The following TENT4B variants were observed in gnomAD, a reference collection of about 807,000 sequenced individuals.
TENT4B encodes terminal nucleotidyltransferase 4B.
A neutral mutation model predicts 75.0 loss-of-function variants in TENT4B; 10 were observed. That is an observed-to-expected ratio of 0.13 (90% confidence interval 0.08 to 0.23). TENT4B has a LOEUF of 0.23. Among genes scored for constraint, TENT4B ranks in the 10% least tolerant of loss-of-function variants. The pLI is 1.00. For missense variants in TENT4B, 579 were observed against 893.8 expected, an observed-to-expected ratio of 0.65 and a Z score of 4.49; for synonymous variants, 350 against 357.7, an observed-to-expected ratio of 0.98 and a Z score of 0.24.
chr16:50,217,451 C>G, intron 4 of TENT4B, 105 bp from the exon 5 acceptor site: 1 of 608,418 alleles, frequency 1.6e-6, no homozygotes. Context: ...TGTTCTTATG[C>G]TCTCATGAGA....
At chr16:50,226,492 C>A (rs757777318) in intron 10 of TENT4B, among the ~76,000 whole-genome samples, 1 of 152,112 alleles carries the variant, frequency 6.6e-6, no homozygotes, top group Non-Finnish European at 1.5e-5. Flanking sequence ...AGTGCAGTGG[C>A]GCGATCTTGG....
chr16:50,231,428 T>A lies in TENT4B; in HGVS notation c.*2100T>A. ...CAGACACTTAATACTTGCAGAGATC[T>A]ATGTTACATTTACCACACTGAAGTT... On this transcript the variant is annotated 3_prime_UTR_variant, in exon 12 of 12. Transcript: ENST00000561678. 2.0e-6 allele frequency: 2 copies of A among 985,034 alleles called. No individual in the cohort carries two copies. The highest frequency in any genetic ancestry group is 2.4e-6 in the Non-Finnish European group (2 of 829,206). 61.0% of individuals were successfully genotyped at this position (985,034 alleles called of 1,614,324 possible).
chr16:50,198,433 A>G (rs911897657), intron 1 of TENT4B, among the ~76,000 whole-genome samples: 4 of 146,844 alleles, frequency 2.7e-5, no homozygotes, highest in Non-Finnish European at 4.5e-5. Flanking sequence ...AAAAAAAAAA[A>G]GAAGAAAAGG....
At chr16:50,166,758 C>T (rs1033469341) in intron 1 of TENT4B, among the ~76,000 whole-genome samples, 28 of 149,454 alleles carry the variant, frequency 1.9e-4, no homozygotes, top group Admixed American at 8.8e-4. Flanking sequence ...GGACCACAGG[C>T]GCATGCCACC....
chr16:50,208,488 AC>A (rs2031105452), intron 1 of TENT4B, among the ~76,000 whole-genome samples: 1 of 152,184 alleles, frequency 6.6e-6, no homozygotes, highest in Non-Finnish European at 1.5e-5. Context: ...AACCTTACTA[AC>A]CTACAAGGTG....
chr16:50,186,138 C>G (rs1444071828), intron 1 of TENT4B, among the ~76,000 whole-genome samples: 3 of 152,074 alleles, frequency 2.0e-5, no homozygotes, highest in African/African-American at 7.2e-5. Flanking sequence ...ATAACCATCA[C>G]CATTGTCCAT....
At chr16:50,195,784 A>G (rs74659490) in intron 1 of TENT4B, among the ~76,000 whole-genome samples, 1 of 152,264 alleles carries the variant, frequency 6.6e-6, no homozygotes, top group South Asian at 2.1e-4. Context: ...AAAAATATAC[A>G]TATAAATTTT....
At chr16:50,222,153 C>CT (rs919014878) in intron 5 of TENT4B, among the ~76,000 whole-genome samples, 153 bp from the exon 6 acceptor site, 2 of 151,936 alleles carry the variant, frequency 1.3e-5, no homozygotes, top group Non-Finnish European at 2.9e-5. Flanking sequence ...CTATAGTTTA[C>CT]TTTTTTTTAA....
Position 50,234,980 on chromosome 16 carries a change from T to A in TENT4B, c.*5652T>A. On this transcript the variant is annotated 3_prime_UTR_variant, in exon 12 of 12. Coordinates refer to ENST00000561678, the MANE Select transcript of TENT4B (RefSeq NM_001365324.3). ...TCCTGTGAGGTGCTGGAGGTTTGAA[T>A]CATCTTGAAAACTTTCCAATCTTGT... 1.0e-6 allele frequency: 1 copy of A among 985,892 alleles called. No homozygotes were observed. The highest frequency in any genetic ancestry group is 1.2e-6 in the Non-Finnish European group (1 of 829,938). The allele number at this position is 985,892 out of a possible 1,614,324, so 61.1% of individuals were successfully genotyped here.
chr16:50,191,204 A>C (rs1042731769), intron 1 of TENT4B, among the ~76,000 whole-genome samples: 1 of 151,812 alleles, frequency 6.6e-6, no homozygotes, highest in South Asian at 2.1e-4. Flanking sequence ...TCTGCTATCA[A>C]TTCTTTAAGT....
chr16:50,192,853 G>T (rs1383853930), intron 1 of TENT4B, among the ~76,000 whole-genome samples: 1 of 152,178 alleles, frequency 6.6e-6, no homozygotes, highest in African/African-American at 2.4e-5. Context: ...TTGGGAGGCT[G>T]GGTGGATTGC....
chr16:50,223,924 C>T (rs1423442271), intron 7 of TENT4B, among the ~76,000 whole-genome samples: 1 of 152,170 alleles, frequency 6.6e-6, no homozygotes, highest in Non-Finnish European at 1.5e-5. Flanking sequence ...AAATTCCTTC[C>T]ATGCTTTTCT....
At position 50,153,393 on chromosome 16, in the gene TENT4B, AG is replaced by A. The variant is rs971918440; in HGVS notation, c.-222del. Among the ~76,000 whole-genome samples the A allele has an allele frequency of 5.8e-4, 7 of 12,148 alleles. No homozygotes were observed. The highest frequency in any genetic ancestry group is 5.3e-3 in the South Asian group (2 of 380). The allele number at this position is 12,148 out of a possible 152,430, so 8.0% of individuals were successfully genotyped here. On this transcript the variant is annotated 5_prime_UTR_variant, in exon 1 of 12. Coordinates refer to ENST00000561678, the MANE Select transcript of TENT4B (RefSeq NM_001365324.3). ...GGCGGAGGGGCGGAGGGGCGGAGGG[AG>A]GGGGGGAGGGCCCGCGGAGCCCCCG...
Position 50,232,188 on chromosome 16 carries a change from C to G in TENT4B, c.*2860C>G. ...TAAAAGTATATCCATTTTTTCCCTC[C>G]AGCTTTAAGGTGACTGTGAAGGTGC... On this transcript the variant is annotated 3_prime_UTR_variant, in exon 12 of 12. Transcript: ENST00000561678. 1.0e-6 allele frequency: 1 copy of G among 985,200 alleles called. No homozygotes were observed. Among genetic ancestry groups the G allele is most frequent in the Non-Finnish European group, 1.2e-6 (1 of 829,862 alleles). 61.0% of individuals were successfully genotyped at this position (985,200 alleles called of 1,614,324 possible).
chr16:50,195,563 G>A (rs2030175725), intron 1 of TENT4B, among the ~76,000 whole-genome samples: 1 of 152,126 alleles, frequency 6.6e-6, no homozygotes, highest in Non-Finnish European at 1.5e-5. Flanking sequence ...GTTTAATGAT[G>A]GTCCTGAGTC....
intron 1 of TENT4B, among the ~76,000 whole-genome samples, chr16:50,170,889 AC>A (rs1041344870): frequency 2.0e-5 from 3 of 150,580 alleles, no homozygotes; most frequent in Admixed American, 1.3e-4. Context: ...CTAGTCTCAA[AC>A]TCCTGACCTC....
intron 1 of TENT4B, among the ~76,000 whole-genome samples, chr16:50,181,445 C>T: frequency 6.7e-6 from 1 of 148,974 alleles, no homozygotes; most frequent in Non-Finnish European, 1.5e-5. Context: ...AGGCACACAA[C>T]ATCATATCCA....
chr16:50,153,079 C>G (rs761278106), upstream of TENT4B: 11 of 1,376,322 alleles, frequency 8.0e-6, no homozygotes, highest in South Asian at 1.6e-4. Context: ...TTGGGCCAGG[C>G]GGTTGCGGCC....
intron 7 of TENT4B, among the ~76,000 whole-genome samples, chr16:50,223,826 CT>C (rs1218930192): frequency 2.0e-5 from 3 of 152,130 alleles, no homozygotes; most frequent in African/African-American, 7.2e-5. Context: ...AATGTATTTT[CT>C]TTTTGAATTT....
Sources: gnomAD v4.1 joint callset for allele counts (sites outside exome capture counted in the v4.1 genomes callset) on GRCh38, gnomAD v4.1.1 for gene constraint, MANE v1.5 for transcripts, NCBI Gene and HGNC (gene_info 2026-07-23, HGNC 2026-07-21) for gene names.